The following CEP70 variants were observed in gnomAD, a reference collection of about 807,000 sequenced individuals.
CEP70 encodes centrosomal protein of 70 kDa.
In CEP70, 70 loss-of-function variants were observed where a neutral mutation model predicts 90.9. The ratio of observed to expected loss-of-function variants is 0.77; its 90% CI spans 0.64 to 0.94. The LOEUF is 0.94. CEP70 is among the 40% of genes least tolerant of loss of function. The probability of loss-of-function intolerance (pLI) is 0.00; values close to 1 mark genes in which losing one functional copy is unlikely to be tolerated. For synonymous variants in CEP70, 220 were observed against 228.3 expected (o/e 0.96, Z 0.33); for missense variants, 648 against 669.0 (o/e 0.97, Z 0.35).
chr3:138,500,629 CT>C, intron 14 of CEP70, 62 bp from the exon 15 acceptor site: 1 of 1,520,148 alleles, frequency 6.6e-7, no homozygotes, highest in South Asian at 1.3e-5. Context: ...CAAATAAAAA[CT>C]TTTAAAAGAC....
chr3:138,546,211 G>A (rs2039186418), intron 6 of CEP70, among the ~76,000 whole-genome samples: 1 of 151,978 alleles, frequency 6.6e-6, no homozygotes, highest in Non-Finnish European at 1.5e-5. Flanking sequence ...TCTCAGACCA[G>A]CCAACACTTA....
chr3:138,511,552 T>C (rs904714454), intron 11 of CEP70, among the ~76,000 whole-genome samples: 4 of 152,252 alleles, frequency 2.6e-5, no homozygotes, highest in South Asian at 4.1e-4. Flanking sequence ...ACACTGTAGA[T>C]ATACAACATT....
At chr3:138,507,467 A>T (rs771880974) in intron 12 of CEP70, among the ~76,000 whole-genome samples, 46 of 152,280 alleles carry the variant, frequency 3.0e-4, no homozygotes, top group African/African-American at 3.8e-4. Flanking sequence ...AATAAAAAAA[A>T]TTTTTTTAAT....
At chr3:138,573,870 T>G (rs1477665198) in intron 2 of CEP70, among the ~76,000 whole-genome samples, 2 of 152,200 alleles carry the variant, frequency 1.3e-5, no homozygotes, top group African/African-American at 2.4e-5. Context: ...TGAGAATTTC[T>G]AGGACATCCA....
At chr3:138,546,789 A>T (rs548338076) in intron 6 of CEP70, among the ~76,000 whole-genome samples, 3 of 151,928 alleles carry the variant, frequency 2.0e-5, no homozygotes, top group Middle Eastern at 3.4e-3. Flanking sequence ...AAACACTATC[A>T]CCCTTATTAA....
At chr3:138,497,323 C>A in intron 17 of CEP70, 1 of 1,250,310 alleles carries the variant, frequency 8.0e-7, no homozygotes, top group Non-Finnish European at 1.0e-6. Flanking sequence ...AAGCAAAGAG[C>A]CATTCTTTAA....
At chr3:138,592,584 G>A (rs915264144) in intron 1 of CEP70, among the ~76,000 whole-genome samples, 8 of 152,230 alleles carry the variant, frequency 5.3e-5, no homozygotes, top group African/African-American at 1.7e-4. Flanking sequence ...CGGAGGGTAG[G>A]AGTTGATTTG....
chr3:138,579,735 T>A (rs933034806), intron 2 of CEP70, among the ~76,000 whole-genome samples: 26 of 152,048 alleles, frequency 1.7e-4, no homozygotes, highest in African/African-American at 6.3e-4. Flanking sequence ...GTATATGCCA[T>A]GGGCATTGGG....
At chr3:138,547,518 C>T (rs1268822405) in intron 6 of CEP70, among the ~76,000 whole-genome samples, 1 of 152,208 alleles carries the variant, frequency 6.6e-6, no homozygotes, top group Non-Finnish European at 1.5e-5. Context: ...GATTCGTTCT[C>T]ACCATAGATC....
chr3:138,497,581 T>C (rs2034061377), intron 17 of CEP70: 2 of 953,722 alleles, frequency 2.1e-6, no homozygotes, highest in African/African-American at 1.8e-5. Flanking sequence ...ATTTCATCTT[T>C]TCCTTTCCAC....
intron 6 of CEP70, among the ~76,000 whole-genome samples, chr3:138,555,622 T>A (rs1030575881): frequency 5.3e-5 from 8 of 152,246 alleles, no homozygotes; most frequent in African/African-American, 1.9e-4. Flanking sequence ...TAGAGAATTC[T>A]GAAAAGAAGA....
At chr3:138,566,474 A>C (rs563850708) in intron 6 of CEP70, among the ~76,000 whole-genome samples, 1 of 152,220 alleles carries the variant, frequency 6.6e-6, no homozygotes, top group Non-Finnish European at 1.5e-5. Context: ...GCACATATAC[A>C]TCACGGAATA....
chr3:138,515,050 AAAC>A (rs752450743), intron 11 of CEP70, among the ~76,000 whole-genome samples: 1 of 152,106 alleles, frequency 6.6e-6, no homozygotes. Flanking sequence ...GAGCCCAAAT[AAAC>A]AACAACAAGA....
intron 16 of CEP70, 185 bp downstream of exon 16, chr3:138,499,925 C>A (rs1055889556): frequency 3.7e-6 from 2 of 533,844 alleles, no homozygotes; most frequent in African/African-American, 1.9e-5. Context: ...CAGGAACTCT[C>A]GATAATACTT....
At chr3:138,506,638 G>A (rs962683799) in intron 12 of CEP70, among the ~76,000 whole-genome samples, 1 of 152,048 alleles carries the variant, frequency 6.6e-6, no homozygotes, top group Non-Finnish European at 1.5e-5. Context: ...TAGGCCTCCT[G>A]GTAATATGAC....
intron 4 of CEP70, 44 bp from the exon 5 acceptor site, chr3:138,571,201 CA>C (rs750041006): frequency 1.2e-4 from 185 of 1,544,892 alleles, no homozygotes; most frequent in Middle Eastern, 1.9e-4. Flanking sequence ...AAATAAAAGG[CA>C]AAAAAAATTT....
At chr3:138,538,733 C>A (rs1251627304) in intron 6 of CEP70, among the ~76,000 whole-genome samples, 1 of 151,252 alleles carries the variant, frequency 6.6e-6, no homozygotes, top group East Asian at 1.9e-4. Flanking sequence ...TATTCTTTTT[C>A]TTTTTTTTTA....
At chr3:138,502,375 A>C (rs1179744754) in intron 13 of CEP70, among the ~76,000 whole-genome samples, 1 of 152,106 alleles carries the variant, frequency 6.6e-6, no homozygotes, top group Non-Finnish European at 1.5e-5. Flanking sequence ...TCCTTTTTCT[A>C]ACTTATTTTA....
intron 17 of CEP70, chr3:138,496,776 G>T (rs2033983011): frequency 3.0e-6 from 3 of 985,358 alleles, no homozygotes; most frequent in Non-Finnish European, 3.6e-6. Flanking sequence ...CTTCAACTTT[G>T]ACCAAATTAC....
Sources: allele counts gnomAD v4.1 joint callset (sites outside exome capture counted in the v4.1 genomes callset), GRCh38; gene constraint gnomAD v4.1.1; transcripts MANE v1.5; gene names NCBI Gene and HGNC (gene_info 2026-07-23, HGNC 2026-07-21).